RILPL2: variants seen among roughly 807,000 people sequenced by gnomAD.
RILPL2 encodes RILP-like protein 2.
A neutral mutation model predicts 22.2 loss-of-function variants in RILPL2; 19 were observed. That is an observed-to-expected ratio of 0.86 (90% CI 0.60 to 1.25). RILPL2 has a LOEUF of 1.25. RILPL2 is among the 50% of genes most tolerant of loss of function. The pLI is 0.00. For missense variants in RILPL2, 243 were observed against 263.6 expected (o/e 0.92, Z 0.54); for synonymous variants, 123 against 111.6 (o/e 1.10, Z -0.64).
chr12:123,410,354 A>T (rs1256396243), downstream of RILPL2, among the ~76,000 whole-genome samples: 4 of 152,200 alleles, frequency 2.6e-5, no homozygotes, highest in Non-Finnish European at 1.5e-5. Context: ...CTGGTGGTAG[A>T]TTGGAACAGT....
At chr12:123,429,560 G>A (rs560879775) in intron 2 of RILPL2, among the ~76,000 whole-genome samples, 1 of 152,060 alleles carries the variant, frequency 6.6e-6, no homozygotes, top group South Asian at 2.1e-4. Context: ...CTCCCAAGGT[G>A]CTGGGATTAC....
At chr12:123,426,882 G>A (rs970415843) in intron 2 of RILPL2, among the ~76,000 whole-genome samples, 24 of 151,440 alleles carry the variant, frequency 1.6e-4, no homozygotes, top group Admixed American at 3.9e-4. Context: ...GATTACAGGC[G>A]TGAGCCACCG....
intron 3 of RILPL2, among the ~76,000 whole-genome samples, chr12:123,418,542 G>A (rs991572284): frequency 6.6e-6 from 1 of 152,080 alleles, no homozygotes; most frequent in South Asian, 2.1e-4. Flanking sequence ...GTTCACTGCT[G>A]TATCTTCAGC....
chr12:123,428,313 T>A (rs1358529083), intron 2 of RILPL2, among the ~76,000 whole-genome samples: 1 of 152,114 alleles, frequency 6.6e-6, no homozygotes, highest in Non-Finnish European at 1.5e-5. Flanking sequence ...ATTTTTTGTA[T>A]TTTTATTAGA....
intron 1 of RILPL2, among the ~76,000 whole-genome samples, chr12:123,432,614 C>A (rs1327070846): frequency 6.6e-6 from 1 of 152,190 alleles, no homozygotes; most frequent in Non-Finnish European, 1.5e-5. Flanking sequence ...CTTAAGGCTG[C>A]GGTTTGAGAA....
At chr12:123,421,857 G>A (rs781537376) in intron 3 of RILPL2, among the ~76,000 whole-genome samples, 54 of 151,314 alleles carry the variant, frequency 3.6e-4, no homozygotes, top group Non-Finnish European at 6.8e-4. Flanking sequence ...TAGTAGAGAC[G>A]AGGTTTTGCC....
intron 2 of RILPL2, among the ~76,000 whole-genome samples, chr12:123,426,788 GA>G (rs1368116214): frequency 1.3e-5 from 2 of 151,888 alleles, no homozygotes; most frequent in African/African-American, 4.8e-5. Context: ...ATTTTTAGTA[GA>G]GACGGGGTTT....
Position 123,415,730 on chromosome 12 carries a change from A to C in RILPL2, c.*161T>G. 1 of 754,304 alleles carries C rather than the reference A, an allele frequency of 1.3e-6. No homozygotes were observed. Among genetic ancestry groups the C allele is most frequent in the Non-Finnish European group, 2.4e-6 (1 of 424,816 alleles). 46.7% of individuals were successfully genotyped at this position (754,304 alleles called of 1,614,324 possible). On this transcript the variant is annotated 3_prime_UTR_variant, in exon 4 of 4. Transcript: ENST00000280571. ...TAGTTCTGCAGCCAGGGAGAAAGTG[A>C]TGCCAAGAGAACCTCGTCTCCTCCC... is the stretch of plus-strand genomic sequence containing the variant.
In RILPL2 at chr12:123,415,621, G is replaced by C. The variant is rs888124113; in HGVS notation, c.*270C>G. On this transcript the variant is annotated 3_prime_UTR_variant, in exon 4 of 4. Transcript: ENST00000280571. ...GCCCTGGGGGTTGACATGGGAGCAG[G>C]AAGTGGACCCCCCCACCCTGCACAT... 3.7e-6 allele frequency: 2 copies of C among 545,938 alleles called. No individual in the cohort carries two copies. Among genetic ancestry groups the C allele is most frequent in the Non-Finnish European group, 6.6e-6 (2 of 303,916 alleles). The allele number at this position is 545,938 out of a possible 1,614,324, so 33.8% of individuals were successfully genotyped here.
intron 1 of RILPL2, 152 bp from the exon 2 acceptor site, chr12:123,430,811 G>A (rs888875057): frequency 1.6e-5 from 7 of 448,300 alleles, no homozygotes; most frequent in South Asian, 9.9e-5. Context: ...AGGTTCAAGC[G>A]ATTCTCCTGC....
chr12:123,424,528 T>A (rs1174139897), intron 2 of RILPL2, among the ~76,000 whole-genome samples: 4 of 151,996 alleles, frequency 2.6e-5, no homozygotes, highest in Admixed American at 2.0e-4. Context: ...ACAGGGTTTC[T>A]CCATGTTGGT....
chr12:123,411,559 T>C (rs1203951777), downstream of RILPL2: 10 of 71,604 alleles, frequency 1.4e-4, no homozygotes, highest in East Asian at 2.0e-3. Flanking sequence ...AACCTTTTTT[T>C]TTTTTTTTTT....
At chr12:123,409,936 G>A in the RILPL2 span, among the ~76,000 whole-genome samples, 4 of 152,006 alleles carry the variant, frequency 2.6e-5, no homozygotes, top group African/African-American at 9.6e-5. Flanking sequence ...ATGTTGACCA[G>A]GCTGGTTTCG....
intron 2 of RILPL2, 68 bp downstream of exon 2, chr12:123,430,440 A>G: frequency 6.9e-7 from 1 of 1,447,470 alleles, no homozygotes; most frequent in Admixed American, 2.3e-5. Flanking sequence ...AACAAAAACA[A>G]ATATGTAACC....
At chr12:123,414,279 C>T (rs561255066), downstream of RILPL2, 22 of 154,152 alleles carry the variant, frequency 1.4e-4, no homozygotes, top group South Asian at 9.9e-4. Flanking sequence ...AGCTAAGGCC[C>T]GGCGAGAAAT....
At chr12:123,435,103 C>A (rs901870681) in intron 1 of RILPL2, among the ~76,000 whole-genome samples, 1 of 151,860 alleles carries the variant, frequency 6.6e-6, no homozygotes, top group Non-Finnish European at 1.5e-5. Context: ...TCGCTTGAAT[C>A]CAGGAGGTGG....
chr12:123,422,239 T>A (rs1408555678), intron 3 of RILPL2, among the ~76,000 whole-genome samples: 1 of 140,352 alleles, frequency 7.1e-6, no homozygotes, highest in East Asian at 2.3e-4. Context: ...AAAAAAAAAA[T>A]TGGCCAGGCG....
In RILPL2 at chr12:123,436,112, C is replaced by T. The variant is rs1311847159; in HGVS notation, c.309G>A (p.Leu103=). The T allele has an allele frequency of 6.3e-7, 1 of 1,586,144 alleles. No homozygotes were observed. Among genetic ancestry groups the T allele is most frequent in the African/African-American group, 1.4e-5 (1 of 74,070 alleles). The part of the protein sequence containing the change: ...RDHLRKEVEG[L]RRQSPPASGE... ...CGCTGGCCGGAGGGCTCTGTCTCCG[C>T]AGCCCCTCCACCTCCTTCCTGAGGT... Residue 103 remains leucine, a synonymous_variant, in exon 1 of 4, where the codon CTG becomes CTA. Transcript: ENST00000280571. This position sits in a 1 kb window ranked among gnomAD's most constrained non-coding sequence, Gnocchi z 6.7.
chr12:123,430,847 C>T (rs150024259), intron 1 of RILPL2, among the ~76,000 whole-genome samples, 188 bp from the exon 2 acceptor site: 2,197 of 152,068 alleles, frequency 0.014, 54 homozygotes, highest in African/African-American at 0.051. Context: ...TACAGGCGCC[C>T]GCCATCACGC....
Sources: gnomAD v4.1 joint callset for allele counts (sites outside exome capture counted in the v4.1 genomes callset) on GRCh38, gnomAD v4.1.1 for gene constraint, Gnocchi (gnomAD v3.1) non-coding constraint, MANE v1.5 for transcripts, NCBI Gene and HGNC (gene_info 2026-07-23, HGNC 2026-07-21) for gene names.